RNF19B: variants seen among roughly 807,000 people sequenced by gnomAD.
RNF19B encodes ring finger protein 19B.
RNF19B carries 23 observed loss-of-function variants against 65.5 expected under a neutral mutation model. The ratio of observed to expected loss-of-function variants is 0.35; its 90% CI spans 0.25 to 0.50. The LOEUF (loss-of-function observed/expected upper bound fraction) is 0.50. Among genes scored for constraint, RNF19B ranks in the 20% least tolerant of loss-of-function variants. The probability of loss-of-function intolerance (pLI) is 0.98; values close to 1 mark genes in which losing one functional copy is unlikely to be tolerated. For synonymous variants in RNF19B, 372 were observed against 379.6 expected, an observed-to-expected ratio of 0.98 and a Z score of 0.23; for missense variants, 794 against 980.0, an observed-to-expected ratio of 0.81 and a Z score of 2.53.
chr1:32,964,714 G>A lies in RNF19B; in HGVS notation c.-29C>T. On this transcript the variant is annotated 5_prime_UTR_variant, in exon 1 of 9. Transcript: ENST00000235150. This position sits in a 1 kb window ranked among gnomAD's most constrained non-coding sequence, Gnocchi z 6.5. ...CGGCAGAGGCCGAGGAGCCAGGGGC[G>A]CCCAGCGCCGCCACAGCTCCCGCCT... 3.6e-6 allele frequency: 5 copies of A among 1,398,988 alleles called. No homozygotes were observed. The highest frequency in any genetic ancestry group is 1.5e-5 in the South Asian group (1 of 68,552). The allele number at this position is 1,398,988 out of a possible 1,614,324, so 86.7% of individuals were successfully genotyped here.
chr1:32,955,748 C>CA (rs71571730), intron 1 of RNF19B, among the ~76,000 whole-genome samples: 2,316 of 111,632 alleles, frequency 0.021, 47 homozygotes, highest in African/African-American at 0.064. Context: ...AACCCTGTCT[C>CA]AAAAAAAAAA....
At position 32,949,653 on chromosome 1, in the gene RNF19B, T is replaced by C. The variant is rs368452430; in HGVS notation, c.757A>G (p.Met253Val). 5 of 1,613,784 alleles carry C rather than the reference T, an allele frequency of 3.1e-6. No homozygotes were observed. The highest frequency in any genetic ancestry group is 4.2e-6 in the Non-Finnish European group (5 of 1,179,992). ...GTCTGGGCCCTCTGTTGACGGGCCATATCGCATGTCTGATTTGGATGCCAT... is the reference window on the plus strand; with the variant it reads ...GTCTGGGCCCTCTGTTGACGGGCCACATCGCATGTCTGATTTGGATGCCAT... ...QIWHPNQTCD[M>V]ARQQRAQTLR... Residue 253 changes from methionine to valine, a missense_variant, in exon 2 of 9, where the codon ATG (methionine) becomes GTG (valine). Around this residue, in one of 3 missense-constraint regions of RNF19B, gnomAD observed 374 missense variants for 423.8 expected, o/e 0.88. Coordinates refer to ENST00000235150, the MANE Select transcript of RNF19B (RefSeq NM_001300826.2).
rs1426290785 is a variant in RNF19B, at chr1:32,940,698, TTG to T, written c.1610+1552_1610+1553del. ...ATCTCCTCTACCTTCCTATCCTGCT[TTG>T]TTCTACCTTTACCCCTCCCTAGGCC... On this transcript the variant is annotated intron_variant, in intron 7 of 8. Coordinates refer to ENST00000235150, the MANE Select transcript of RNF19B (RefSeq NM_001300826.2). 2.0e-5 allele frequency among the ~76,000 whole-genome samples: 3 copies of T among 152,178 alleles called. No individual in the cohort carries two copies. The East Asian group carries it at 5.8e-4, about 29-fold the overall frequency.
intron 1 of RNF19B, among the ~76,000 whole-genome samples, chr1:32,958,397 T>TG (rs1642689931): frequency 6.6e-6 from 1 of 151,920 alleles, no homozygotes; most frequent in Admixed American, 6.6e-5. Context: ...GTGATGTGAG[T>TG]GAAAAATAGA....
At position 32,964,534 on chromosome 1, in the gene RNF19B, T is replaced by A; in HGVS notation, c.152A>T (p.Lys51Met). ...CGGGGGCGGCGGCTCGGCCTGCGGC[T>A]TGGCCCGGGCGCGGCGGCCGCGGGC... The part of the protein sequence containing the change: ...ASARGRRARA[K>M]PQAEPPPPAA... The change falls in exon 1 of 9, where the codon AAG (lysine) becomes ATG (methionine). Residue 51 changes from lysine (K) to methionine (M), a missense_variant. Coordinates refer to ENST00000235150, the MANE Select transcript of RNF19B (RefSeq NM_001300826.2). The surrounding 1 kb of genome is among the most constrained non-coding windows in gnomAD (Gnocchi z 6.5). 1 of 1,141,232 alleles carries A rather than the reference T, an allele frequency of 8.8e-7. No individual in the cohort carries two copies. Among genetic ancestry groups the A allele is most frequent in the Non-Finnish European group, 1.1e-6 (1 of 926,412 alleles). The allele number at this position is 1,141,232 out of a possible 1,614,324, so 70.7% of individuals were successfully genotyped here.
chr1:32,947,376 G>A (rs1346612129), intron 3 of RNF19B, among the ~76,000 whole-genome samples: 2 of 152,192 alleles, frequency 1.3e-5, no homozygotes, highest in African/African-American at 4.8e-5. Context: ...TTCACTCAAT[G>A]AGGCTGGGCG....
the RNF19B span, among the ~76,000 whole-genome samples, chr1:32,929,175 T>C: frequency 6.6e-6 from 1 of 152,176 alleles, no homozygotes; most frequent in East Asian, 1.9e-4. Flanking sequence ...TTGCTGGCAA[T>C]CCTTGGTGTC....
intron 6 of RNF19B, among the ~76,000 whole-genome samples, chr1:32,943,455 A>G (rs1369944834): frequency 6.9e-6 from 1 of 145,198 alleles, no homozygotes; most frequent in African/African-American, 2.5e-5. Context: ...CGTCTATACT[A>G]AAAAAAAAAA....
At chr1:32,950,022 T>C (rs194646) in intron 1 of RNF19B, among the ~76,000 whole-genome samples, 53,797 of 151,700 alleles carry the variant, frequency 0.35, 9,708 homozygotes, top group Admixed American at 0.43. Flanking sequence ...GATTGTGGAG[T>C]GCAGTGGTGT....
At chr1:32,948,141 G>T in intron 3 of RNF19B, 81 bp downstream of exon 3, 1 of 1,459,296 alleles carries the variant, frequency 6.9e-7, no homozygotes, top group Non-Finnish European at 9.4e-7. Context: ...TGAGAGAACG[G>T]ATGTGTCTTT....
intron 4 of RNF19B, 88 bp downstream of exon 4, chr1:32,946,314 T>C: frequency 5.9e-6 from 7 of 1,186,034 alleles, no homozygotes; most frequent in Non-Finnish European, 8.4e-6. Context: ...CAGGCAGCTC[T>C]GAAACATAGC....
chr1:32,963,219 T>C (rs899534223), intron 1 of RNF19B, among the ~76,000 whole-genome samples: 5 of 151,986 alleles, frequency 3.3e-5, no homozygotes, highest in African/African-American at 1.2e-4. Context: ...ACAGAACACA[T>C]AGTGCTCAGG....
downstream of RNF19B, among the ~76,000 whole-genome samples, chr1:32,933,270 T>G (rs985932860): frequency 1.3e-5 from 2 of 149,378 alleles, no homozygotes; most frequent in African/African-American, 5.0e-5. Flanking sequence ...TTTTTTTTTT[T>G]GTGAGACGGA....
intron 6 of RNF19B, among the ~76,000 whole-genome samples, chr1:32,942,810 T>TC (rs1300499896): frequency 1.3e-5 from 2 of 152,146 alleles, no homozygotes; most frequent in African/African-American, 4.8e-5. Context: ...TATGTTTGGG[T>TC]CATGTGCTGA....
intron 5 of RNF19B, 109 bp downstream of exon 5, chr1:32,945,405 A>C: frequency 1.5e-6 from 1 of 656,176 alleles, no homozygotes; most frequent in Non-Finnish European, 2.8e-6. Context: ...TTTACTATCA[A>C]GGTGGGTTCG....
chr1:32,963,987 G>A (rs1429229864), intron 1 of RNF19B, 64 bp downstream of exon 1: 7 of 1,383,746 alleles, frequency 5.1e-6, no homozygotes, highest in Admixed American at 3.9e-5. Context: ...CGGGGTCCCT[G>A]CTGCCCCCAG....
In RNF19B at chr1:32,936,733, GA is replaced by G. The variant is rs36040674; in HGVS notation, c.*72del. On this transcript the variant is annotated 3_prime_UTR_variant, in exon 9 of 9. Transcript: ENST00000235150. ...AAAATACATAAATCTCTACCCCTTG[GA>G]AAAAAAAAAAAAAAAATTCCAAAAG... 0.18 allele frequency: 198,039 copies of G among 1,095,374 alleles called. 34 individuals carry two copies. Among genetic ancestry groups the G allele is most frequent in the East Asian group, 0.29 (9,843 of 34,336 alleles). 67.9% of individuals were successfully genotyped at this position (1,095,374 alleles called of 1,614,324 possible).
intron 2 of RNF19B, 113 bp downstream of exon 2, chr1:32,949,456 G>A (rs1317951745): frequency 3.6e-5 from 28 of 773,854 alleles, no homozygotes; most frequent in African/African-American, 5.2e-5. Flanking sequence ...GATATTTTCT[G>A]CTCTCTGATC....
chr1:32,944,979 C>T (rs1374602417), intron 5 of RNF19B, among the ~76,000 whole-genome samples: 10 of 152,178 alleles, frequency 6.6e-5, no homozygotes, highest in African/African-American at 2.2e-4. Flanking sequence ...TGAGCCACTG[C>T]GCCCAGCCAA....
Sources: allele counts gnomAD v4.1 joint callset (sites outside exome capture counted in the v4.1 genomes callset), GRCh38; gene constraint gnomAD v4.1.1; regional missense constraint gnomAD v4.1.1; non-coding constraint Gnocchi (gnomAD v3.1); transcripts MANE v1.5; gene names NCBI Gene and HGNC (gene_info 2026-07-23, HGNC 2026-07-21).